Variants in DHX38 observed in about 807,000 individuals in gnomAD.
DHX38 encodes the protein pre-mRNA-splicing factor ATP-dependent RNA helicase PRP16.
DHX38 carries 100 observed loss-of-function variants against 153.1 expected under a neutral mutation model. The ratio of observed to expected loss-of-function variants is 0.65; its 90% CI spans 0.56 to 0.77. The LOEUF (loss-of-function observed/expected upper bound fraction) is 0.77, where lower values mean the gene tolerates loss of function less well. Ranked by LOEUF, DHX38 falls within the 30% of genes least tolerant of loss-of-function variation. The pLI is 0.00. For synonymous variants in DHX38, 650 were observed against 631.7 expected (o/e 1.03, Z -0.43); for missense variants, 1,440 against 1,654.0 (o/e 0.87, Z 2.24).
intron 18 of DHX38, 104 bp downstream of exon 18, chr16:72,105,728 C>T (rs570428089): frequency 1.2e-4 from 135 of 1,150,998 alleles, no homozygotes; most frequent in Middle Eastern, 5.9e-4. Flanking sequence ...ATGTGGGGAG[C>T]GCGTGGAAGT....
At chr16:72,110,850 C>A in intron 25 of DHX38, 106 bp from the exon 26 acceptor site, 1 of 1,441,968 alleles carries the variant, frequency 6.9e-7, no homozygotes, top group Non-Finnish European at 9.3e-7. Flanking sequence ...GGAGCACTGG[C>A]CTGGTGGATG....
At position 72,112,492 on chromosome 16, in the gene DHX38, CTG is replaced by C. The variant is rs747988652; in HGVS notation, c.3682_3683del (p.Ter1228SerfsTer2). 8.7e-6 allele frequency: 14 copies of C among 1,612,186 alleles called. No homozygotes were observed. The South Asian group carries it at 1.5e-4, about 18-fold the overall frequency. ...TCGCCGCACGCCAGCCCGCTTTGGT[CTG>C]TGAGCTGAGGCTGTCCCCAGAGAGG... ...TPRRTPARFG[L>X] On this transcript the variant is annotated frameshift_variant, in exon 27 of 27. Transcript: ENST00000268482. LOFTEE classifies it high-confidence loss of function.
Position 72,107,846 on chromosome 16 carries a change from G to T in DHX38, c.2964+47G>T. The T allele has an allele frequency of 1.3e-6, 2 of 1,596,208 alleles. No individual in the cohort carries two copies. Among genetic ancestry groups the T allele is most frequent in the Non-Finnish European group, 8.5e-7 (1 of 1,172,340 alleles). ...CTCTCCCCGGAGGGCTCGAGGAAGT[G>T]TTGGGGAGGGGAATGGCTTCTCTCT... On this transcript the variant is annotated intron_variant, in intron 21 of 26. Transcript: ENST00000268482. The surrounding 1 kb of genome is among the most constrained non-coding windows in gnomAD (Gnocchi z 5.3).
intron 26 of DHX38, 22 bp downstream of exon 26, chr16:72,111,099 C>T (rs942213450): frequency 1.3e-6 from 2 of 1,543,734 alleles, no homozygotes; most frequent in South Asian, 2.4e-5. Context: ...CCTTCGGGCT[C>T]TGGCTGGGGT....
At position 72,097,779 on chromosome 16, in the gene DHX38, A is replaced by G; in HGVS notation, c.614A>G (p.Lys205Arg). 1 of 1,612,986 alleles carries G rather than the reference A, an allele frequency of 6.2e-7. No homozygotes were observed. Among genetic ancestry groups the G allele is most frequent in the South Asian group, 1.1e-5 (1 of 90,836 alleles). Reference protein sequence around the residue: ...NEPESPRHRPKDAATPSRSTW... With the variant: ...NEPESPRHRPRDAATPSRSTW... ...CCCGAGAGCCCACGACATCGACCTAAAGGTAGACTCACTGTTTTGGTGGCT... is the reference window on the plus strand; with the variant it reads ...CCCGAGAGCCCACGACATCGACCTAGAGGTAGACTCACTGTTTTGGTGGCT... The change falls in exon 4 of 27, where the codon AAA (lysine) becomes AGA (arginine). Residue 205 changes from lysine (K) to arginine (R), a missense_variant and splice_region_variant. Around this residue, in one of 6 missense-constraint regions of DHX38, gnomAD observed 483 missense variants for 465.1 expected, o/e 1.04. Coordinates refer to ENST00000268482, the MANE Select transcript of DHX38 (RefSeq NM_014003.4).
chr16:72,099,318 G>T, intron 7 of DHX38, 38 bp downstream of exon 7: 1 of 1,537,648 alleles, frequency 6.5e-7, no homozygotes, highest in Non-Finnish European at 8.8e-7. Flanking sequence ...ATCGGGGCTG[G>T]TGGCCGTCTG....
At chr16:72,100,404 AT>A in intron 8 of DHX38, 31 bp from the exon 9 acceptor site, 1 of 1,608,646 alleles carries the variant, frequency 6.2e-7, no homozygotes, top group East Asian at 2.2e-5. Context: ...TGGGGTGGCA[AT>A]TTGAGTGTGG....
chr16:72,105,896 C>T, intron 18 of DHX38, 109 bp from the exon 19 acceptor site: 1 of 995,270 alleles, frequency 1.0e-6, no homozygotes, highest in East Asian at 2.4e-5. Flanking sequence ...CTAGAGCCTC[C>T]TGGCTCTTCC....
chr16:72,099,233 T>C lies in DHX38; in HGVS notation c.913T>C (p.Ser305Pro). 1.9e-6 allele frequency: 3 copies of C among 1,612,754 alleles called. No individual in the cohort carries two copies. The highest frequency in any genetic ancestry group is 2.5e-6 in the Non-Finnish European group (3 of 1,179,622). Residue 305 changes from serine to proline, a missense_variant, in exon 7 of 27, where the codon TCA becomes CCA. By Grantham distance (74) the Ser-to-Pro change is moderately conservative (BLOSUM62 -1). Around this residue, in one of 6 missense-constraint regions of DHX38, gnomAD observed 483 missense variants for 465.1 expected, o/e 1.04. Coordinates refer to ENST00000268482, the MANE Select transcript of DHX38 (RefSeq NM_014003.4). ...ACGTGAGGAGGGCGAAGAAGGAATT[T>C]CATTTGACACGGAGGAGGAGCGGCA... ...GRREEGEEGI[S>P]FDTEEERQQW... is the part of the protein sequence containing the mutation.
intron 25 of DHX38, 157 bp downstream of exon 25, chr16:72,109,667 C>A: frequency 1.7e-6 from 1 of 603,824 alleles, no homozygotes; most frequent in Non-Finnish European, 2.6e-6. Flanking sequence ...GATTCCCCAC[C>A]ACCCACTCCA....
chr16:72,107,012 T>C lies in DHX38; in HGVS notation c.2601-328T>C, dbSNP rs1000169774. Among the ~76,000 whole-genome samples the C allele has an allele frequency of 6.6e-6, 1 of 151,760 alleles. No homozygotes were observed. The highest frequency in any genetic ancestry group is 1.5e-5 in the Non-Finnish European group (1 of 67,974). On this transcript the variant is annotated intron_variant, in intron 19 of 26. Coordinates refer to ENST00000268482, the MANE Select transcript of DHX38 (RefSeq NM_014003.4). The surrounding 1 kb of genome is among the most constrained non-coding windows in gnomAD (Gnocchi z 5.3). ...GGTGAAACCCCATCTCTACTAAAAA[T>C]ACAAAAATCAGCTGGGCGTGGTGGC...
At chr16:72,094,592 T>G (rs1035199314) in intron 1 of DHX38, 46 of 152,352 alleles carry the variant, frequency 3.0e-4, no homozygotes, top group African/African-American at 1.1e-3. Flanking sequence ...GCCTTGTAGT[T>G]TCTTTGCCAT....
At chr16:72,105,686 T>A in intron 18 of DHX38, 62 bp downstream of exon 18, 1 of 1,563,086 alleles carries the variant, frequency 6.4e-7, no homozygotes, top group East Asian at 2.2e-5. Context: ...AGCTGCGGGG[T>A]GGGAAGCCAG....
rs774118672 is a variant in DHX38 at position 72,106,802 on chromosome 16, C to A, written c.2601-538C>A. ...AAAAATTAATGTATTCACTATAGAG[C>A]GTTAGTGAATATAGAAAAATATCAA... On this transcript the variant is annotated intron_variant, in intron 19 of 26. Coordinates refer to ENST00000268482, the MANE Select transcript of DHX38 (RefSeq NM_014003.4). 3.9e-5 allele frequency among the ~76,000 whole-genome samples: 6 copies of A among 152,214 alleles called. No homozygotes were observed. The South Asian group carries it at 1.2e-3, about 32-fold the overall frequency.
intron 10 of DHX38, 126 bp from the exon 11 acceptor site, chr16:72,101,374 C>G (rs371853500): frequency 1.5e-5 from 17 of 1,150,020 alleles, no homozygotes; most frequent in Middle Eastern, 2.1e-4. Flanking sequence ...GAATGTGGCT[C>G]GGTGCCACCA....
In DHX38 at chr16:72,101,589, G is replaced by T. The variant is rs1354031965; in HGVS notation, c.1476G>T (p.Thr492=). 6.4e-7 allele frequency: 1 copy of T among 1,551,854 alleles called. No individual in the cohort carries two copies. The highest frequency in any genetic ancestry group is 8.7e-7 in the Non-Finnish European group (1 of 1,147,110). Reference sequence around the variant, plus strand: ...AGGAAGAGCCAGATAAAGCTGTGACGGAGGATGGGAAGGTGGACTACAGGT... The same window carrying T: ...AGGAAGAGCCAGATAAAGCTGTGACTGAGGATGGGAAGGTGGACTACAGGT... ...KKEEEPDKAV[T]EDGKVDYRTE... is the part of the protein sequence containing the mutation. Residue 492 remains threonine, a synonymous_variant, in exon 11 of 27, where the codon ACG becomes ACT. Coordinates refer to ENST00000268482, the MANE Select transcript of DHX38 (RefSeq NM_014003.4).
At chr16:72,096,683 G>C in intron 2 of DHX38, 139 bp from the exon 3 acceptor site, 1 of 1,487,366 alleles carries the variant, frequency 6.7e-7, no homozygotes, top group South Asian at 1.4e-5. Flanking sequence ...GAAATGCCTT[G>C]GGTTGTTGCC....
Position 72,107,289 on chromosome 16 carries a change from G to A in DHX38, c.2601-51G>A. ...TCCCTGTGGGATTTCATCTGTACTG[G>A]CTGCTGTGGGGTTTCCTTGTGGTGA... is the stretch of plus-strand genomic sequence containing the variant. On this transcript the variant is annotated intron_variant, in intron 19 of 26. Coordinates refer to ENST00000268482, the MANE Select transcript of DHX38 (RefSeq NM_014003.4). The surrounding 1 kb of genome is among the most constrained non-coding windows in gnomAD (Gnocchi z 5.3). The A allele has an allele frequency of 1.9e-6, 3 of 1,556,834 alleles. No individual in the cohort carries two copies. Among genetic ancestry groups the A allele is most frequent in the South Asian group, 2.3e-5 (2 of 85,658 alleles).
At chr16:72,108,961 C>A in intron 24 of DHX38, 36 bp downstream of exon 24, 2 of 1,555,458 alleles carry the variant, frequency 1.3e-6, no homozygotes, top group Non-Finnish European at 8.7e-7. Flanking sequence ...TAATGCAGGC[C>A]CCCTGTCTGG....
Sources: allele counts gnomAD v4.1 joint callset (sites outside exome capture counted in the v4.1 genomes callset), GRCh38; gene constraint gnomAD v4.1.1; regional missense constraint gnomAD v4.1.1; non-coding constraint Gnocchi (gnomAD v3.1); transcripts MANE v1.5; gene names NCBI Gene and HGNC (gene_info 2026-07-23, HGNC 2026-07-21).